Variants in CFAP299 observed in about 807,000 individuals in gnomAD.
CFAP299 encodes the protein cilia and flagella associated protein 299, also known as cilia- and flagella-associated protein 299.
Under a neutral mutation model 27.0 loss-of-function variants are expected in CFAP299, and 21 were observed. The ratio of observed to expected loss-of-function variants is 0.78; its 90% CI spans 0.55 to 1.12. The LOEUF is 1.12. Among genes scored for constraint, CFAP299 ranks in the 50% most tolerant of loss-of-function variants. CFAP299 has a pLI of 0.00. For synonymous variants in CFAP299, 104 were observed against 98.1 expected (o/e 1.06, Z -0.36); for missense variants, 310 against 276.6 (o/e 1.12, Z -0.86).
chr4:80,526,910 A>G (rs1006497202), intron 2 of CFAP299, among the ~76,000 whole-genome samples: 1 of 152,302 alleles, frequency 6.6e-6, no homozygotes, highest in Admixed American at 6.5e-5. Flanking sequence ...AAATTACGCA[A>G]CAAATATATT....
intron 2 of CFAP299, among the ~76,000 whole-genome samples, chr4:80,363,614 A>G (rs945301971): frequency 6.6e-6 from 1 of 152,202 alleles, no homozygotes; most frequent in Non-Finnish European, 1.5e-5. Context: ...CACATTATAA[A>G]CAATAACATT....
At chr4:80,348,788 A>G (rs1722878570) in intron 1 of CFAP299, among the ~76,000 whole-genome samples, 1 of 152,248 alleles carries the variant, frequency 6.6e-6, no homozygotes, top group Non-Finnish European at 1.5e-5. Flanking sequence ...ATACCGAGGA[A>G]TCCCAAACTA....
chr4:80,900,260 T>C, intron 4 of CFAP299, among the ~76,000 whole-genome samples: 1 of 151,802 alleles, frequency 6.6e-6, no homozygotes, highest in South Asian at 2.1e-4. Flanking sequence ...ACAAGGAAAG[T>C]GAAAGGCATT....
intron 2 of CFAP299, among the ~76,000 whole-genome samples, chr4:80,403,218 G>A (rs553794709): frequency 6.6e-6 from 1 of 152,240 alleles, no homozygotes; most frequent in South Asian, 2.1e-4. Flanking sequence ...ATTTCAAAAT[G>A]TTTTAACTCT....
intron 3 of CFAP299, among the ~76,000 whole-genome samples, chr4:80,818,689 A>G (rs1186580843): frequency 6.6e-6 from 1 of 152,188 alleles, no homozygotes; most frequent in Non-Finnish European, 1.5e-5. Flanking sequence ...AAATTGAAAA[A>G]AAGTAGATCA....
intron 3 of CFAP299, among the ~76,000 whole-genome samples, chr4:80,840,739 A>G (rs1248094041): frequency 6.6e-6 from 1 of 152,066 alleles, no homozygotes; most frequent in African/African-American, 2.4e-5. Flanking sequence ...TCTTATTTTT[A>G]TTTCATATTT....
At chr4:80,763,048 C>A (rs545244952) in intron 3 of CFAP299, among the ~76,000 whole-genome samples, 88 of 152,252 alleles carry the variant, frequency 5.8e-4, no homozygotes, top group African/African-American at 2.0e-3. Context: ...TTCCAGCAAA[C>A]TCAGTCTATG....
Position 80,963,688 on chromosome 4 carries a change from A to G in CFAP299, c.*76A>G, listed in dbSNP as rs374220139. On this transcript the variant is annotated 3_prime_UTR_variant, in exon 6 of 6. Coordinates refer to ENST00000358105, the MANE Select transcript of CFAP299 (RefSeq NM_152770.3). ...TAGACAGAGCAAATTAGAATAATAA[A>G]TGAGCCCTGTAGCTGGAAGGCAAAT... 1.3e-4 allele frequency: 126 copies of G among 952,004 alleles called. 1 individual carries two copies. In the South Asian group the frequency reaches 1.7e-3, roughly 13 times the overall value. 59.0% of individuals were successfully genotyped at this position (952,004 alleles called of 1,614,324 possible).
At chr4:80,555,394 T>C (rs914646020) in intron 2 of CFAP299, among the ~76,000 whole-genome samples, 1 of 152,132 alleles carries the variant, frequency 6.6e-6, no homozygotes, top group African/African-American at 2.4e-5. Context: ...CTAGATTTGG[T>C]TTGCCAATAT....
chr4:80,783,853 TA>T (rs1369206148), intron 3 of CFAP299, among the ~76,000 whole-genome samples: 2 of 152,196 alleles, frequency 1.3e-5, no homozygotes, highest in Non-Finnish European at 2.9e-5. Flanking sequence ...TTTATTTTGA[TA>T]AACAGTGTAG....
chr4:80,938,962 G>T (rs1737059535), intron 4 of CFAP299, among the ~76,000 whole-genome samples: 1 of 151,952 alleles, frequency 6.6e-6, no homozygotes, highest in South Asian at 2.1e-4. Flanking sequence ...TTTTCTTTCA[G>T]CACTTTAAAT....
intron 2 of CFAP299, among the ~76,000 whole-genome samples, chr4:80,373,031 C>T (rs1724223814): frequency 6.6e-6 from 1 of 152,168 alleles, no homozygotes; most frequent in Admixed American, 6.5e-5. Context: ...TACACTTATT[C>T]TCCAGGATTC....
chr4:80,702,105 G>T (rs951581870), intron 3 of CFAP299, among the ~76,000 whole-genome samples: 1 of 151,836 alleles, frequency 6.6e-6, no homozygotes, highest in Admixed American at 6.6e-5. Flanking sequence ...CAGTGATGCA[G>T]AAGAAATGCA....
intron 3 of CFAP299, among the ~76,000 whole-genome samples, chr4:80,633,643 A>C (rs1394635368): frequency 6.6e-6 from 1 of 152,156 alleles, no homozygotes; most frequent in African/African-American, 2.4e-5. Context: ...ATGGCAAAAT[A>C]CTGCCAGGAA....
At chr4:80,498,228 A>C (rs1207334020) in intron 2 of CFAP299, among the ~76,000 whole-genome samples, 1 of 152,192 alleles carries the variant, frequency 6.6e-6, no homozygotes, top group Non-Finnish European at 1.5e-5. Context: ...AATGGTAACA[A>C]AAATGAAAAT....
chr4:80,418,961 T>G (rs971886906), intron 2 of CFAP299, among the ~76,000 whole-genome samples: 3 of 152,104 alleles, frequency 2.0e-5, no homozygotes, highest in Non-Finnish European at 4.4e-5. Flanking sequence ...AGCATGGGAG[T>G]GCAGATATCT....
intron 4 of CFAP299, chr4:80,870,397 A>G: frequency 3.6e-6 from 4 of 1,101,648 alleles, no homozygotes; most frequent in Non-Finnish European, 4.4e-6. Flanking sequence ...AGTAGTGCCT[A>G]AATTTTGTTA....
At chr4:80,788,297 C>T (rs1727360275) in intron 3 of CFAP299, among the ~76,000 whole-genome samples, 1 of 151,910 alleles carries the variant, frequency 6.6e-6, no homozygotes, top group Non-Finnish European at 1.5e-5. Context: ...GCCATCAATG[C>T]TGAAAAATAA....
At chr4:80,857,276 G>T (rs527814580) in intron 3 of CFAP299, among the ~76,000 whole-genome samples, 139 of 152,326 alleles carry the variant, frequency 9.1e-4, no homozygotes, top group African/African-American at 3.2e-3. Context: ...CTTTGGTGAA[G>T]TTGCTTATCA....
Sources: allele counts gnomAD v4.1 joint callset (sites outside exome capture counted in the v4.1 genomes callset), GRCh38; gene constraint gnomAD v4.1.1; transcripts MANE v1.5; gene names NCBI Gene and HGNC (gene_info 2026-07-23, HGNC 2026-07-21).